CHD1: variants seen among roughly 807,000 people sequenced by gnomAD.
CHD1 encodes ATP-dependent chromatin remodeler CHD1.
Under a neutral mutation model 224.2 loss-of-function variants are expected in CHD1, and 36 were observed. That is an observed-to-expected ratio of 0.16 (90% CI 0.12 to 0.21). The LOEUF (loss-of-function observed/expected upper bound fraction) is 0.21. CHD1 is among the 10% of genes least tolerant of loss of function. CHD1 has a pLI of 1.00. For missense variants in CHD1, 1,378 were observed against 1,994.8 expected (o/e 0.69, Z 5.89); for synonymous variants, 668 against 658.3 (o/e 1.01, Z -0.23).
intron 2 of CHD1, among the ~76,000 whole-genome samples, chr5:98,910,494 G>T (rs190690514): frequency 1.3e-3 from 201 of 152,076 alleles, no homozygotes; most frequent in African/African-American, 4.8e-3. Context: ...ATTTTATGTT[G>T]CTTTATTTAC....
chr5:98,895,041 G>C (rs572799375), intron 12 of CHD1, among the ~76,000 whole-genome samples: 1 of 151,992 alleles, frequency 6.6e-6, no homozygotes, highest in Admixed American at 6.5e-5. Flanking sequence ...GACTGGTCTC[G>C]AACTCCCAGC....
At chr5:98,863,169 G>C (rs1748601862) in intron 32 of CHD1, among the ~76,000 whole-genome samples, 1 of 151,952 alleles carries the variant, frequency 6.6e-6, no homozygotes, top group African/African-American at 2.4e-5. Context: ...TAATGAAACA[G>C]CTTTCACTAT....
intron 12 of CHD1, among the ~76,000 whole-genome samples, chr5:98,895,708 A>G (rs969436355): frequency 6.6e-6 from 1 of 151,182 alleles, no homozygotes; most frequent in African/African-American, 2.4e-5. Context: ...AGCCGAGATC[A>G]CACCACTGTA....
At chr5:98,870,919 T>C in intron 28 of CHD1, 116 bp from the exon 29 acceptor site, 1 of 509,092 alleles carries the variant, frequency 2.0e-6, no homozygotes, top group Non-Finnish European at 3.4e-6. Flanking sequence ...GTTTCAATTA[T>C]TAATATTTGT....
intron 29 of CHD1, among the ~76,000 whole-genome samples, chr5:98,870,284 C>T (rs1302150315): frequency 2.0e-5 from 3 of 152,120 alleles, no homozygotes; most frequent in Admixed American, 6.6e-5. Context: ...CAATCACCTC[C>T]TTTTTGGTGT....
At chr5:98,899,351 G>A (rs1751544136) in intron 8 of CHD1, 129 bp downstream of exon 8, 2 of 641,650 alleles carry the variant, frequency 3.1e-6, no homozygotes, top group Admixed American at 3.1e-5. Flanking sequence ...GACAAAGACA[G>A]CCAACTGTAT....
intron 2 of CHD1, among the ~76,000 whole-genome samples, chr5:98,915,143 GT>G (rs757287123): frequency 1.3e-4 from 20 of 152,128 alleles, no homozygotes; most frequent in Non-Finnish European, 2.4e-4. Flanking sequence ...TAAATACAAA[GT>G]TTGATGAAAT....
intron 31 of CHD1, among the ~76,000 whole-genome samples, chr5:98,867,231 G>A (rs1019831479): frequency 3.3e-5 from 5 of 152,012 alleles, no homozygotes; most frequent in African/African-American, 1.2e-4. Flanking sequence ...TTAGAATAAA[G>A]GCACAGATAG....
At chr5:98,893,749 C>G (rs1751170639) in intron 13 of CHD1, 143 bp from the exon 14 acceptor site, 2 of 589,390 alleles carry the variant, frequency 3.4e-6, no homozygotes, top group East Asian at 6.2e-5. Context: ...ATCGTAATCT[C>G]AAGATTACAA....
At chr5:98,901,724 C>T (rs1580472674) in intron 5 of CHD1, among the ~76,000 whole-genome samples, 2 of 147,584 alleles carry the variant, frequency 1.4e-5, no homozygotes, top group African/African-American at 5.1e-5. Flanking sequence ...AAATAGTGCA[C>T]GTTCATTAAG....
At chr5:98,875,212 T>C (rs1327362610) in intron 24 of CHD1, 99 bp from the exon 25 acceptor site, 10 of 702,340 alleles carry the variant, frequency 1.4e-5, no homozygotes, top group Middle Eastern at 3.9e-4. Context: ...CTTGTTAGTA[T>C]AAAAATTCAA....
At chr5:98,881,613 G>T (rs1046719907) in intron 20 of CHD1, among the ~76,000 whole-genome samples, 7 of 151,550 alleles carry the variant, frequency 4.6e-5, no homozygotes, top group Non-Finnish European at 1.0e-4. Flanking sequence ...GGGCTCAACT[G>T]ATCCTCCCAC....
chr5:98,883,058 C>G, intron 19 of CHD1, 30 bp downstream of exon 19: 3 of 1,292,922 alleles, frequency 2.3e-6, no homozygotes, highest in Non-Finnish European at 3.0e-6. Context: ...TCTAAAACAG[C>G]AATATAATAT....
At chr5:98,863,289 G>C (rs2112464151) in intron 32 of CHD1, 119 bp downstream of exon 32, 2 of 556,906 alleles carry the variant, frequency 3.6e-6, no homozygotes, top group Non-Finnish European at 5.8e-6. Flanking sequence ...ATCATCTGTA[G>C]GTTACCTCTT....
At chr5:98,903,984 T>C (rs1468204909) in intron 3 of CHD1, 76 bp from the exon 4 acceptor site, 3 of 837,094 alleles carry the variant, frequency 3.6e-6, no homozygotes, top group Non-Finnish European at 5.8e-6. Flanking sequence ...ATTGAAAAAC[T>C]ATACCACCAT....
intron 2 of CHD1, among the ~76,000 whole-genome samples, chr5:98,925,443 G>A (rs1472613807): frequency 6.6e-6 from 1 of 151,928 alleles, no homozygotes; most frequent in Non-Finnish European, 1.5e-5. Context: ...CTCTTTATGG[G>A]GCAAAAATCA....
chr5:98,907,603 A>C (rs1752129407), intron 2 of CHD1, among the ~76,000 whole-genome samples: 2 of 151,776 alleles, frequency 1.3e-5, no homozygotes, highest in Admixed American at 1.3e-4. Context: ...AAAAAAAAAA[A>C]AAAGCAAAAA....
intron 31 of CHD1, among the ~76,000 whole-genome samples, chr5:98,865,921 GA>G (rs1748825704): frequency 6.8e-6 from 1 of 146,330 alleles, no homozygotes; most frequent in African/African-American, 2.7e-5. Context: ...GCAGTTACAT[GA>G]AAAAGTCCGA....
At chr5:98,880,484 T>C (rs1226302708) in intron 22 of CHD1, among the ~76,000 whole-genome samples, 1 of 152,204 alleles carries the variant, frequency 6.6e-6, no homozygotes, top group East Asian at 1.9e-4. Context: ...ATGAAATGAA[T>C]TGATCTTTAA....
Sources: gnomAD v4.1 joint callset for allele counts (sites outside exome capture counted in the v4.1 genomes callset) on GRCh38, gnomAD v4.1.1 for gene constraint, MANE v1.5 for transcripts, NCBI Gene and HGNC (gene_info 2026-07-23, HGNC 2026-07-21) for gene names.